The following SH3PXD2A variants were observed in gnomAD, a reference collection of about 807,000 sequenced individuals.
SH3PXD2A encodes the protein SH3 and PX domains 2A.
In SH3PXD2A, 32 loss-of-function variants were observed where a neutral mutation model predicts 115.2. The observed-to-expected ratio is 0.28, with a 90% CI of 0.21 to 0.37. The LOEUF is 0.37. Among genes scored for constraint, SH3PXD2A ranks in the 10% least tolerant of loss-of-function variants. The probability of loss-of-function intolerance (pLI) is 1.00; values close to 1 mark genes in which losing one functional copy is unlikely to be tolerated. For missense variants in SH3PXD2A, 1,328 were observed against 1,498.7 expected (o/e 0.89, Z 1.88); for synonymous variants, 610 against 629.1 (o/e 0.97, Z 0.45).
At chr10:103,775,933 T>C (rs2038873561) in intron 2 of SH3PXD2A, among the ~76,000 whole-genome samples, 1 of 152,152 alleles carries the variant, frequency 6.6e-6, no homozygotes, top group African/African-American at 2.4e-5. Flanking sequence ...TGCTCGATAA[T>C]AACACACACT....
intron 8 of SH3PXD2A, among the ~76,000 whole-genome samples, chr10:103,628,181 C>T (rs1419672448): frequency 1.3e-5 from 2 of 152,176 alleles, no homozygotes; most frequent in African/African-American, 2.4e-5. Context: ...GTGAAAACAA[C>T]GGAGAGGAGG....
chr10:103,798,976 T>C (rs1020287781), intron 2 of SH3PXD2A, among the ~76,000 whole-genome samples: 2 of 152,196 alleles, frequency 1.3e-5, no homozygotes, highest in African/African-American at 2.4e-5. Context: ...GGCAACTAAG[T>C]GTTGGGAGAA....
At chr10:103,820,997 G>C (rs2039373706) in intron 1 of SH3PXD2A, among the ~76,000 whole-genome samples, 3 of 152,176 alleles carry the variant, frequency 2.0e-5, no homozygotes, top group Admixed American at 2.0e-4. Context: ...GAGTTTCTCT[G>C]ACCCTGCATT....
chr10:103,653,258 C>T (rs1053481199), intron 8 of SH3PXD2A, among the ~76,000 whole-genome samples: 1 of 152,208 alleles, frequency 6.6e-6, no homozygotes, highest in Non-Finnish European at 1.5e-5. Flanking sequence ...TACTGATGAC[C>T]GACCGACCAG....
chr10:103,757,624 A>G (rs911912836), intron 3 of SH3PXD2A, among the ~76,000 whole-genome samples: 1 of 152,074 alleles, frequency 6.6e-6, no homozygotes, highest in Non-Finnish European at 1.5e-5. Flanking sequence ...ACTGATCTAC[A>G]TTTCAAAAGT....
intron 5 of SH3PXD2A, among the ~76,000 whole-genome samples, chr10:103,703,053 C>T (rs762788684): frequency 2.0e-5 from 3 of 152,212 alleles, no homozygotes; most frequent in Non-Finnish European, 4.4e-5. Flanking sequence ...GGCCTAGTTT[C>T]GACCTGAGAC....
intron 5 of SH3PXD2A, among the ~76,000 whole-genome samples, chr10:103,707,096 C>G (rs1193061123): frequency 6.6e-6 from 1 of 152,176 alleles, no homozygotes; most frequent in African/African-American, 2.4e-5. Context: ...CCTCCTTCAC[C>G]CCTCTCCCTG....
intron 5 of SH3PXD2A, among the ~76,000 whole-genome samples, chr10:103,701,501 AT>A (rs1312016324): frequency 8.3e-5 from 11 of 132,330 alleles, no homozygotes; most frequent in Admixed American, 3.8e-4. Flanking sequence ...TCATCCATCC[AT>A]TCATCCATCC....
chr10:103,670,221 G>A (rs750910293), intron 6 of SH3PXD2A, among the ~76,000 whole-genome samples: 3 of 152,082 alleles, frequency 2.0e-5, no homozygotes, highest in Admixed American at 1.3e-4. Flanking sequence ...TTGGTGGAGC[G>A]GTCTAGCAAG....
intron 8 of SH3PXD2A, among the ~76,000 whole-genome samples, chr10:103,641,957 G>T (rs570488714): frequency 6.6e-5 from 10 of 152,108 alleles, no homozygotes; most frequent in Non-Finnish European, 1.3e-4. Flanking sequence ...CATATACTGT[G>T]GTTCATATAA....
intron 1 of SH3PXD2A, among the ~76,000 whole-genome samples, chr10:103,810,941 GGC>G (rs1201418207): frequency 2.4e-4 from 1 of 4,220 alleles, no homozygotes; most frequent in African/African-American, 7.5e-4. Context: ...CATGGACACA[GGC>G]GCGCGCGCGC....
At chr10:103,659,545 C>T (rs956892759) in intron 8 of SH3PXD2A, among the ~76,000 whole-genome samples, 1 of 152,154 alleles carries the variant, frequency 6.6e-6, no homozygotes, top group Admixed American at 6.5e-5. Flanking sequence ...CGGGCAGGGA[C>T]GTGGCACCAT....
In SH3PXD2A at chr10:103,594,337, C is replaced by T. The variant is rs929028925; in HGVS notation, c.*7479G>A. 3.9e-5 allele frequency: 6 copies of T among 152,658 alleles called. No individual in the cohort carries two copies. The highest frequency in any genetic ancestry group is 1.4e-4 in the African/African-American group (6 of 41,462). 9.5% of individuals were successfully genotyped at this position (152,658 alleles called of 1,614,324 possible). A position where few individuals can be genotyped will look rare whatever the true frequency, so the allele number is the denominator to read the frequency against. ...CATTGATTCTGGAAATATTTCAGCACTCAAATCGACTGCACTGAGTTTAAT... is the reference window on the plus strand; with the variant it reads ...CATTGATTCTGGAAATATTTCAGCATTCAAATCGACTGCACTGAGTTTAAT... On this transcript the variant is annotated 3_prime_UTR_variant, in exon 15 of 15. Coordinates refer to ENST00000369774, the MANE Select transcript of SH3PXD2A (RefSeq NM_001394015.1).
At chr10:103,783,029 C>T (rs562317547) in intron 2 of SH3PXD2A, among the ~76,000 whole-genome samples, 2 of 151,904 alleles carry the variant, frequency 1.3e-5, no homozygotes, top group East Asian at 3.9e-4. Flanking sequence ...GAAGGGACTG[C>T]AGGCAGAGGG....
chr10:103,692,450 G>GAGCCGCCAAAACGCA (rs2037766728), intron 6 of SH3PXD2A, among the ~76,000 whole-genome samples: 2 of 151,890 alleles, frequency 1.3e-5, no homozygotes, highest in African/African-American at 4.8e-5. Context: ...GCCAAAACGC[G>GAGCCGCCAAAACGCA]GAGCCCCCAC....
At position 103,699,307 on chromosome 10, in the gene SH3PXD2A, A is replaced by C. The variant is rs187674333; in HGVS notation, c.399-6251T>G. Among the ~76,000 whole-genome samples, 154 of 152,316 alleles carry C rather than the reference A, an allele frequency of 1.0e-3. 1 individual carries two copies. Among genetic ancestry groups the C allele is most frequent in the African/African-American group, 3.6e-3 (150 of 41,576 alleles). On this transcript the variant is annotated intron_variant, in intron 5 of 14. Coordinates refer to ENST00000369774, the MANE Select transcript of SH3PXD2A (RefSeq NM_001394015.1). ...AATGGTCCCAATGAGCATTTTAAGA[A>C]GAACAGACTAGAAATGATCAGCGAG...
chr10:103,659,979 G>A (rs1564856590), intron 8 of SH3PXD2A, among the ~76,000 whole-genome samples: 2 of 152,150 alleles, frequency 1.3e-5, no homozygotes, highest in Non-Finnish European at 2.9e-5. Flanking sequence ...TACGGAGCAG[G>A]CACTGCTGTC....
chr10:103,695,685 C>G (rs1176608879), intron 5 of SH3PXD2A, among the ~76,000 whole-genome samples: 2 of 152,174 alleles, frequency 1.3e-5, no homozygotes, highest in Admixed American at 1.3e-4. Context: ...GTCTGCATCT[C>G]CAACAAACTC....
At chr10:103,840,761 CAT>C (rs2134316744) in intron 1 of SH3PXD2A, among the ~76,000 whole-genome samples, 1 of 152,356 alleles carries the variant, frequency 6.6e-6, no homozygotes, top group South Asian at 2.1e-4. Context: ...GTGCTTTTCT[CAT>C]AGTCTGTTGC....
Sources: gnomAD v4.1 joint callset for allele counts (sites outside exome capture counted in the v4.1 genomes callset) on GRCh38, gnomAD v4.1.1 for gene constraint, MANE v1.5 for transcripts, NCBI Gene and HGNC (gene_info 2026-07-23, HGNC 2026-07-21) for gene names.